The following SHISA9 variants were observed in gnomAD, a reference collection of about 807,000 sequenced individuals.
SHISA9 encodes the protein shisa family member 9.
In SHISA9, 13 loss-of-function variants were observed where a neutral mutation model predicts 38.0. The observed-to-expected ratio is 0.34, with a 90% CI of 0.22 to 0.54. The LOEUF is 0.54. Among genes scored for constraint, SHISA9 ranks in the 20% least tolerant of loss-of-function variants. The probability of loss-of-function intolerance (pLI) is 0.91; values close to 1 mark genes in which losing one functional copy is unlikely to be tolerated. For synonymous variants in SHISA9, 275 were observed against 242.0 expected (o/e 1.14, Z -1.27); for missense variants, 538 against 575.8 (o/e 0.93, Z 0.67).
chr16:13,192,872 C>T (rs1269884343), intron 2 of SHISA9, among the ~76,000 whole-genome samples: 4 of 147,522 alleles, frequency 2.7e-5, no homozygotes, highest in Admixed American at 2.0e-4. Flanking sequence ...AAGACTCCAT[C>T]TCAAAAAAAA....
the SHISA9 span, among the ~76,000 whole-genome samples, chr16:13,366,974 C>T: frequency 1.9e-5 from 2 of 104,928 alleles, no homozygotes; most frequent in Admixed American, 2.2e-4. Flanking sequence ...CAGGGTGAGG[C>T]TCCATCTCAA....
At chr16:13,407,070 C>CAAAAA in the SHISA9 span, among the ~76,000 whole-genome samples, 11 of 45,614 alleles carry the variant, frequency 2.4e-4, 1 homozygote, top group African/African-American at 8.8e-4. Flanking sequence ...CTCTGTCTCA[C>CAAAAA]AAAAAAAAAA....
chr16:13,397,638 G>A, the SHISA9 span, among the ~76,000 whole-genome samples: 1 of 152,108 alleles, frequency 6.6e-6, no homozygotes, highest in Non-Finnish European at 1.5e-5. Context: ...GTTTCACCAT[G>A]TTGGCCAGGA....
the SHISA9 span, among the ~76,000 whole-genome samples, chr16:13,339,440 G>A: frequency 6.6e-6 from 1 of 152,126 alleles, no homozygotes; most frequent in Non-Finnish European, 1.5e-5. Context: ...ACAATCTGCT[G>A]TCTTAAATAA....
intron 2 of SHISA9, among the ~76,000 whole-genome samples, chr16:13,019,666 A>G (rs544937983): frequency 6.6e-6 from 1 of 151,560 alleles, no homozygotes; most frequent in Non-Finnish European, 1.5e-5. Context: ...ACATAGGTAA[A>G]CTTGTGTCAC....
At position 12,902,264 on chromosome 16, in the gene SHISA9, G is replaced by T. The variant is rs1279558685; in HGVS notation, c.200G>T (p.Arg67Leu). ...GAEASDAPPTRAPTPDFCRGY... is the reference protein window; with the variant it reads ...GAEASDAPPTLAPTPDFCRGY... The stretch of plus-strand genomic sequence containing the variant: ...GAGGCATCGGACGCGCCCCCGACCC[G>T]GGCGCCCACGCCGGACTTCTGCCGG... The change falls in exon 1 of 5, where the codon CGG becomes CTG. Residue 67 changes from arginine to leucine, a missense_variant. Around this residue, in one of 4 missense-constraint regions of SHISA9, gnomAD observed 107 missense variants for 103.0 expected, o/e 1.04. Coordinates refer to ENST00000558583, the MANE Select transcript of SHISA9 (RefSeq NM_001145204.3). 5 of 1,547,624 alleles carry T rather than the reference G, an allele frequency of 3.2e-6. No homozygotes were observed. The highest frequency in any genetic ancestry group is 2.4e-5 in the East Asian group (1 of 40,876).
chr16:13,076,448 C>T (rs935741226), intron 2 of SHISA9, among the ~76,000 whole-genome samples: 2 of 152,198 alleles, frequency 1.3e-5, no homozygotes, highest in African/African-American at 4.8e-5. Context: ...TTTACCTATG[C>T]ACTTTTTAGT....
At chr16:13,220,112 A>C (rs2142072858) in intron 4 of SHISA9, among the ~76,000 whole-genome samples, 1 of 152,332 alleles carries the variant, frequency 6.6e-6, no homozygotes, top group South Asian at 2.1e-4. Flanking sequence ...CATTGCTTAA[A>C]ATGTATTTAG....
chr16:13,490,063 A>G, the SHISA9 span, among the ~76,000 whole-genome samples: 8 of 152,322 alleles, frequency 5.3e-5, no homozygotes, highest in Non-Finnish European at 1.2e-4. Flanking sequence ...TTCATATGGT[A>G]GGAACATAGT....
chr16:12,942,268 G>A (rs1203306631), intron 2 of SHISA9, among the ~76,000 whole-genome samples: 1 of 152,216 alleles, frequency 6.6e-6, no homozygotes, highest in Non-Finnish European at 1.5e-5. Flanking sequence ...ACCTTCAGAA[G>A]TTGGTACAAA....
chr16:12,971,851 T>A (rs778722658), intron 2 of SHISA9, among the ~76,000 whole-genome samples: 3 of 152,162 alleles, frequency 2.0e-5, no homozygotes, highest in Non-Finnish European at 4.4e-5. Flanking sequence ...TCAATTTTAG[T>A]GGTACCCAGG....
chr16:13,210,218 A>C (rs753610503), intron 3 of SHISA9, among the ~76,000 whole-genome samples: 2 of 152,190 alleles, frequency 1.3e-5, no homozygotes, highest in Non-Finnish European at 2.9e-5. Context: ...TGGGCTTTGC[A>C]AACAGAAAGT....
At chr16:13,136,258 A>T (rs1288915379) in intron 2 of SHISA9, among the ~76,000 whole-genome samples, 1 of 152,114 alleles carries the variant, frequency 6.6e-6, no homozygotes, top group Non-Finnish European at 1.5e-5. Flanking sequence ...TTACCCTATA[A>T]GGTAGTCTGA....
the SHISA9 span, among the ~76,000 whole-genome samples, chr16:13,514,605 A>G: frequency 5.9e-5 from 9 of 152,186 alleles, no homozygotes; most frequent in African/African-American, 2.2e-4. Context: ...ACAAAAGAAG[A>G]TTAGCAAATT....
the SHISA9 span, among the ~76,000 whole-genome samples, chr16:13,357,819 T>C: frequency 6.7e-6 from 1 of 148,298 alleles, no homozygotes; most frequent in Non-Finnish European, 1.5e-5. Context: ...CGCAAGGTGC[T>C]CAGTGGGGGT....
chr16:13,073,250 A>G (rs576382633), intron 2 of SHISA9, among the ~76,000 whole-genome samples: 4 of 136,322 alleles, frequency 2.9e-5, no homozygotes, highest in African/African-American at 5.7e-5. Flanking sequence ...GTACAACAGG[A>G]CTTATCATTT....
the SHISA9 span, among the ~76,000 whole-genome samples, chr16:13,349,691 T>G: frequency 5.9e-5 from 9 of 152,248 alleles, no homozygotes; most frequent in Non-Finnish European, 1.3e-4. Flanking sequence ...CTTATTTTTG[T>G]GTTTTTCTTC....
At chr16:13,397,831 C>A in the SHISA9 span, among the ~76,000 whole-genome samples, 3 of 152,142 alleles carry the variant, frequency 2.0e-5, no homozygotes, top group East Asian at 1.9e-4. Flanking sequence ...CTTTCTGTAT[C>A]CCAGGGTTTC....
intron 2 of SHISA9, among the ~76,000 whole-genome samples, chr16:13,015,852 C>CCCTT (rs1491287306): frequency 9.7e-5 from 8 of 82,120 alleles, no homozygotes; most frequent in Non-Finnish European, 2.1e-4. Flanking sequence ...TTCTTTCTTT[C>CCCTT]CCTTTCTTTC....
Sources: gnomAD v4.1 joint callset for allele counts (sites outside exome capture counted in the v4.1 genomes callset) on GRCh38, gnomAD v4.1.1 for gene constraint, gnomAD v4.1.1 regional missense constraint, MANE v1.5 for transcripts, NCBI Gene and HGNC (gene_info 2026-07-23, HGNC 2026-07-21) for gene names.